ANK3: variants seen among roughly 807,000 people sequenced by gnomAD.
The protein encoded by ANK3 is ankyrin 3.
A neutral mutation model predicts 370.9 loss-of-function variants in ANK3; 57 were observed. The ratio of observed to expected loss-of-function variants is 0.15; its 90% CI spans 0.12 to 0.19. The LOEUF (loss-of-function observed/expected upper bound fraction) is 0.19, where lower values mean the gene tolerates loss of function less well. Among genes scored for constraint, ANK3 ranks in the 10% least tolerant of loss-of-function variants. ANK3 has a pLI of 1.00. For synonymous variants in ANK3, 1,929 were observed against 1,946.3 expected (o/e 0.99, Z 0.23); for missense variants, 4,439 against 5,302.1 (o/e 0.84, Z 5.06).
intron 7 of ANK3, 132 bp from the exon 8 acceptor site, chr10:60,234,918 CT>C: frequency 1.7e-6 from 1 of 582,246 alleles, no homozygotes; most frequent in South Asian, 2.2e-5. Flanking sequence ...AGTGTGCTTC[CT>C]AATACTTCTG....
chr10:60,301,196 GTATA>G (rs1014044530), intron 1 of ANK3, among the ~76,000 whole-genome samples: 5 of 146,316 alleles, frequency 3.4e-5, no homozygotes, highest in African/African-American at 7.6e-5. Context: ...CTATGTGTGT[GTATA>G]TATATACTAT....
intron 1 of ANK3, among the ~76,000 whole-genome samples, chr10:60,625,406 T>C (rs558308133): frequency 9.2e-5 from 14 of 152,298 alleles, no homozygotes; most frequent in South Asian, 4.1e-4. Context: ...TACATCATTG[T>C]CCCTAGCTAA....
chr10:60,112,385 C>A (rs181164002), intron 26 of ANK3, among the ~76,000 whole-genome samples: 2 of 151,476 alleles, frequency 1.3e-5, no homozygotes, highest in African/African-American at 2.4e-5. Context: ...CAATATTAGA[C>A]CCATATGCAT....
intron 1 of ANK3, among the ~76,000 whole-genome samples, chr10:60,716,057 T>C (rs1478661012): frequency 6.6e-6 from 1 of 152,216 alleles, no homozygotes; most frequent in Non-Finnish European, 1.5e-5. Flanking sequence ...ATGTGATACA[T>C]ATTCACATAT....
At chr10:60,431,707 T>C (rs1368792532) in intron 2 of ANK3, among the ~76,000 whole-genome samples, 4 of 151,756 alleles carry the variant, frequency 2.6e-5, no homozygotes, top group Non-Finnish European at 5.9e-5. Context: ...AGGTGACGGG[T>C]GGGAGGGTGC....
In ANK3 at chr10:60,682,368, T is replaced by G. The variant is rs77188866; in HGVS notation, c.57+50895A>C. ...TTCTGCCACTTGATACCTGTTGATT[T>G]AAAACAAGAAACAACTTCTCCGAGC... On this transcript the variant is annotated intron_variant, in intron 1 of 43. Coordinates refer to the ANK3 transcript ENST00000373827. Among the ~76,000 whole-genome samples, 828 of 149,902 alleles carry G rather than the reference T, an allele frequency of 5.5e-3. 24 individuals carry two copies. The East Asian group carries it at 0.07, about 13-fold the overall frequency.
intron 2 of ANK3, among the ~76,000 whole-genome samples, chr10:60,448,282 A>G (rs1354006160): frequency 4.6e-5 from 7 of 152,228 alleles, no homozygotes; most frequent in Admixed American, 3.9e-4. Flanking sequence ...AGAAAAGCCA[A>G]AATAATTATA....
chr10:60,677,234 T>C (rs2079136905), intron 1 of ANK3, among the ~76,000 whole-genome samples: 1 of 152,206 alleles, frequency 6.6e-6, no homozygotes, highest in African/African-American at 2.4e-5. Context: ...ACTATCTTGT[T>C]CTTTCAAAGA....
At chr10:60,201,236 G>A (rs2096668782) in intron 12 of ANK3, among the ~76,000 whole-genome samples, 1 of 152,282 alleles carries the variant, frequency 6.6e-6, no homozygotes, top group Non-Finnish European at 1.5e-5. Context: ...TGTGCAATTA[G>A]TACTAGGAAA....
intron 1 of ANK3, among the ~76,000 whole-genome samples, chr10:60,633,297 A>G (rs1239462254): frequency 6.6e-6 from 1 of 152,214 alleles, no homozygotes; most frequent in African/African-American, 2.4e-5. Context: ...ATAATGCAGA[A>G]AATATGCCTC....
intron 1 of ANK3, among the ~76,000 whole-genome samples, chr10:60,365,642 G>A (rs1594582711): frequency 6.6e-6 from 1 of 152,158 alleles, no homozygotes; most frequent in East Asian, 1.9e-4. Flanking sequence ...AAAACATCAG[G>A]GACTTATTTA....
intron 1 of ANK3, among the ~76,000 whole-genome samples, chr10:60,385,065 T>C (rs1195910934): frequency 2.0e-5 from 3 of 152,202 alleles, no homozygotes; most frequent in Admixed American, 2.0e-4. Flanking sequence ...ATAAAGCTAT[T>C]CACAGTCCTC....
At chr10:60,329,702 C>A (rs1252933069) in intron 1 of ANK3, among the ~76,000 whole-genome samples, 1 of 152,148 alleles carries the variant, frequency 6.6e-6, no homozygotes, top group Admixed American at 6.5e-5. Flanking sequence ...TGAAAATGGC[C>A]ATATTGCCCA....
chr10:60,434,808 T>C (rs982742294), intron 2 of ANK3, among the ~76,000 whole-genome samples: 2 of 152,246 alleles, frequency 1.3e-5, no homozygotes, highest in Non-Finnish European at 2.9e-5. Context: ...CTTTACACTT[T>C]AGAATTTTTC....
chr10:60,549,385 C>T (rs1289509742), intron 2 of ANK3, among the ~76,000 whole-genome samples: 2 of 152,132 alleles, frequency 1.3e-5, no homozygotes, highest in African/African-American at 2.4e-5. Flanking sequence ...TAACTTACTG[C>T]AGTTTAATAT....
At chr10:60,077,954 A>G (rs1313999450) in intron 36 of ANK3, among the ~76,000 whole-genome samples, 2 of 152,202 alleles carry the variant, frequency 1.3e-5, no homozygotes, top group Non-Finnish European at 2.9e-5. Context: ...TGAAGTAAGC[A>G]CACTTGCTGG....
intron 2 of ANK3, among the ~76,000 whole-genome samples, chr10:60,500,194 C>T (rs566598375): frequency 1.3e-4 from 20 of 152,182 alleles, no homozygotes; most frequent in Admixed American, 3.3e-4. Context: ...ATGATCCTTG[C>T]CCTAAATCAT....
chr10:60,724,859 A>G (rs189587190), intron 1 of ANK3, among the ~76,000 whole-genome samples: 151 of 152,364 alleles, frequency 9.9e-4, no homozygotes, highest in South Asian at 8.7e-3. Flanking sequence ...GTTAATCACA[A>G]TAAAAGGAAC....
rs186482340 is a variant in ANK3 at position 60,530,172 on chromosome 10, G to T, written c.96+85014C>A. Among the ~76,000 whole-genome samples the T allele has an allele frequency of 1.6e-3, 250 of 152,278 alleles. 1 individual carries two copies. Among genetic ancestry groups the T allele is most frequent in the African/African-American group, 5.8e-3 (241 of 41,572 alleles). The stretch of plus-strand genomic sequence containing the variant: ...GTTTCTGTTGGGTAGATTTTTAGGA[G>T]ATGATGACTTGAAAGGAGATGTTGG... On this transcript the variant is annotated intron_variant, in intron 2 of 43. Transcript: ENST00000373827.
Sources: allele counts gnomAD v4.1 joint callset (sites outside exome capture counted in the v4.1 genomes callset), GRCh38; gene constraint gnomAD v4.1.1; transcripts MANE v1.5; gene names NCBI Gene and HGNC (gene_info 2026-07-23, HGNC 2026-07-21).